Variants in DST observed in about 807,000 individuals in gnomAD.
DST encodes the protein bullous pemphigoid antigen.
A neutral mutation model predicts 875.2 loss-of-function variants in DST; 253 were observed. The ratio of observed to expected loss-of-function variants is 0.29; its 90% CI spans 0.26 to 0.32. The LOEUF (loss-of-function observed/expected upper bound fraction) is 0.32, where lower values mean the gene tolerates loss of function less well. Among genes scored for constraint, DST ranks in the 10% least tolerant of loss-of-function variants. The probability of loss-of-function intolerance (pLI) is 1.00; values close to 1 mark genes in which losing one functional copy is unlikely to be tolerated. For missense variants in DST, 8,287 were observed against 9,111.6 expected, an observed-to-expected ratio of 0.91 and a Z score of 3.68; for synonymous variants, 3,124 against 3,197.1, an observed-to-expected ratio of 0.98 and a Z score of 0.77.
chr6:56,498,923 T>A (rs1209342036), intron 80 of DST, among the ~76,000 whole-genome samples: 1 of 152,182 alleles, frequency 6.6e-6, no homozygotes, highest in African/African-American at 2.4e-5. Flanking sequence ...CAGCAAATAA[T>A]GCCTTCCTTT....
chr6:56,885,417 A>T (rs1315831112), intron 3 of DST, among the ~76,000 whole-genome samples: 1 of 152,162 alleles, frequency 6.6e-6, no homozygotes, highest in Non-Finnish European at 1.5e-5. Context: ...TAGCAGTTGA[A>T]CCATTTTACA....
chr6:56,884,989 CAAAGTG>C (rs1201660417), intron 3 of DST, among the ~76,000 whole-genome samples: 1 of 150,512 alleles, frequency 6.6e-6, no homozygotes, highest in Non-Finnish European at 1.5e-5. Flanking sequence ...CTCGGCCTCC[CAAAGTG>C]CTGGGATTAC....
rs896246499 is a variant in DST, at chr6:56,497,877, C to T, written c.20073G>A (p.Gln6691=). 4 of 1,611,398 alleles carry T rather than the reference C, an allele frequency of 2.5e-6. No individual in the cohort carries two copies. The highest frequency in any genetic ancestry group is 3.4e-6 in the Non-Finnish European group (4 of 1,178,530). ...VLEKTEQRKQ[Q]LDGALRQAKG... is the part of the protein sequence containing the mutation. ...TCACCTGGCGCAAGGCACCATCCAG[C>T]TGCTGCTTCCTTTGTTCTGTTTTTT... The change falls in exon 81 of 104, where the codon CAG becomes CAA. Residue 6691 remains glutamine, a synonymous_variant. Coordinates refer to ENST00000680361, the MANE Select transcript of DST (RefSeq NM_001374736.1).
At position 56,607,700 on chromosome 6, in the gene DST, T is replaced by C; in HGVS notation, c.6928A>G (p.Thr2310Ala). 1 of 1,613,442 alleles carries C rather than the reference T, an allele frequency of 6.2e-7. No homozygotes were observed. Among genetic ancestry groups the C allele is most frequent in the South Asian group, 1.1e-5 (1 of 91,076 alleles). The change falls in exon 40 of 104, where the codon ACT becomes GCT. Residue 2310 changes from threonine to alanine, a missense_variant. By Grantham distance (58) the Thr-to-Ala change is moderately conservative. Transcript: ENST00000680361. ...TGAGAAAATTCACTATTGATAACAG[T>C]ATTTCTCATTTCATTAAATTCTTCA... ...IDEEFNEMRN[T>A]VINSEFSQSG...
intron 3 of DST, among the ~76,000 whole-genome samples, chr6:56,873,736 G>C (rs1202343468): frequency 6.6e-6 from 1 of 152,164 alleles, no homozygotes; most frequent in Admixed American, 6.5e-5. Flanking sequence ...GGGAGATGAA[G>C]AGAGGTTGGT....
chr6:56,884,123 CTTAT>C (rs1417443072), intron 3 of DST, among the ~76,000 whole-genome samples: 7 of 150,394 alleles, frequency 4.7e-5, no homozygotes, highest in Admixed American at 6.6e-5. Context: ...AGAGTGAGAA[CTTAT>C]CTCAAAAAAA....
intron 3 of DST, among the ~76,000 whole-genome samples, chr6:56,879,580 C>T (rs1207906444): frequency 1.3e-5 from 2 of 152,148 alleles, no homozygotes; most frequent in Non-Finnish European, 2.9e-5. Context: ...AAGAATTATA[C>T]CTTTCTTACA....
chr6:56,576,517 T>C (rs563140473), intron 50 of DST, among the ~76,000 whole-genome samples: 58 of 152,218 alleles, frequency 3.8e-4, no homozygotes, highest in African/African-American at 1.2e-3. Context: ...CAGAATTGAA[T>C]TGAACTGAAT....
chr6:56,746,199 C>T (rs886973101), intron 4 of DST, among the ~76,000 whole-genome samples: 3 of 151,720 alleles, frequency 2.0e-5, no homozygotes, highest in Non-Finnish European at 2.9e-5. Context: ...TTGTCCAGAC[C>T]GGTCTCCAAC....
chr6:56,539,785 C>T (rs4236143), intron 61 of DST, among the ~76,000 whole-genome samples: 119,724 of 152,120 alleles, frequency 0.79, 47,640 homozygotes, highest in African/African-American at 0.89. Flanking sequence ...TCTACTCTCA[C>T]ATGCAGAGCT....
At chr6:56,497,041 C>T (rs1338106290) in intron 82 of DST, among the ~76,000 whole-genome samples, 1 of 151,994 alleles carries the variant, frequency 6.6e-6, no homozygotes, top group African/African-American at 2.4e-5. Context: ...GGACAGATAG[C>T]ATTAGGAGAT....
chr6:56,687,460 C>T (rs767104760), intron 9 of DST, among the ~76,000 whole-genome samples: 1 of 152,116 alleles, frequency 6.6e-6, no homozygotes, highest in Non-Finnish European at 1.5e-5. Context: ...CTTCTCTGGG[C>T]CTCAGTTTCT....
chr6:56,667,390 A>G (rs2099077289), intron 10 of DST, among the ~76,000 whole-genome samples: 1 of 152,220 alleles, frequency 6.6e-6, no homozygotes, highest in Non-Finnish European at 1.5e-5. Flanking sequence ...CTGGAAGAAA[A>G]GTACTTAATT....
intron 48 of DST, among the ~76,000 whole-genome samples, chr6:56,592,953 G>T (rs987006412): frequency 4.0e-5 from 6 of 151,620 alleles, no homozygotes; most frequent in African/African-American, 1.5e-4. Context: ...TATTCATTAA[G>T]TATTAAAATA....
chr6:56,795,721 C>A (rs2099738650), intron 4 of DST, among the ~76,000 whole-genome samples: 2 of 151,978 alleles, frequency 1.3e-5, no homozygotes, highest in Non-Finnish European at 1.5e-5. Flanking sequence ...GAATCACAAT[C>A]CTATAATGTC....
chr6:56,521,418 C>T (rs1278176932), intron 69 of DST, among the ~76,000 whole-genome samples: 1 of 150,718 alleles, frequency 6.6e-6, no homozygotes, highest in Non-Finnish European at 1.5e-5. Flanking sequence ...AATGAGTGTC[C>T]TCATAAAGAC....
At position 56,528,833 on chromosome 6, in the gene DST, T is replaced by TA. The variant is rs774406350; in HGVS notation, c.17680+7dup. The TA allele has an allele frequency of 2.6e-6, 4 of 1,514,462 alleles. No homozygotes were observed. The African/African-American group carries it at 5.5e-5, about 21-fold the overall frequency. 93.8% of individuals were successfully genotyped at this position (1,514,462 alleles called of 1,614,324 possible). ...CCACATGATGATTTGATTTGAAAGA[T>TA]ATCTCACCTGTGGTTTGTTTAAGTA... is the stretch of plus-strand genomic sequence containing the variant. On this transcript the variant is annotated splice_region_variant and intron_variant, in intron 67 of 103. Coordinates refer to ENST00000680361, the MANE Select transcript of DST (RefSeq NM_001374736.1).
chr6:56,889,291 T>G (rs1386690649), intron 3 of DST, among the ~76,000 whole-genome samples: 2 of 152,198 alleles, frequency 1.3e-5, no homozygotes, highest in Non-Finnish European at 2.9e-5. Flanking sequence ...CATATCCAAA[T>G]CAGAAAATTT....
intron 31 of DST, among the ~76,000 whole-genome samples, 187 bp downstream of exon 31, chr6:56,630,058 A>T (rs570656933): frequency 6.6e-6 from 1 of 152,348 alleles, no homozygotes; most frequent in East Asian, 1.9e-4. Context: ...CAAACTTCAA[A>T]TGAGAACTCT....
Sources: gnomAD v4.1 joint callset for allele counts (sites outside exome capture counted in the v4.1 genomes callset) on GRCh38, gnomAD v4.1.1 for gene constraint, MANE v1.5 for transcripts, NCBI Gene and HGNC (gene_info 2026-07-23, HGNC 2026-07-21) for gene names.